Variants in CADM1 observed in about 807,000 individuals in gnomAD.
CADM1 encodes the protein cell adhesion molecule 1.
A neutral mutation model predicts 53.1 loss-of-function variants in CADM1; 15 were observed. The observed-to-expected ratio is 0.28, with a 90% CI of 0.19 to 0.44. The LOEUF (loss-of-function observed/expected upper bound fraction) is 0.44, where lower values mean the gene tolerates loss of function less well. Ranked by LOEUF, CADM1 falls within the 20% of genes least tolerant of loss-of-function variation. The pLI, the probability that CADM1 is intolerant of heterozygous loss-of-function variation, is 1.00. For synonymous variants in CADM1, 281 were observed against 243.0 expected, an observed-to-expected ratio of 1.16 and a Z score of -1.45; for missense variants, 434 against 611.3, an observed-to-expected ratio of 0.71 and a Z score of 3.06.
At chr11:115,368,240 T>C (rs996266313) in intron 1 of CADM1, among the ~76,000 whole-genome samples, 3 of 148,374 alleles carry the variant, frequency 2.0e-5, no homozygotes, top group African/African-American at 4.9e-5. Flanking sequence ...ATTTGCTAAA[T>C]AGCAGGACAG....
At chr11:115,448,426 C>T (rs187462680) in intron 1 of CADM1, among the ~76,000 whole-genome samples, 1 of 152,280 alleles carries the variant, frequency 6.6e-6, no homozygotes, top group South Asian at 2.1e-4. Flanking sequence ...CTTTCTGCAA[C>T]TTGCTTGTCT....
intron 1 of CADM1, among the ~76,000 whole-genome samples, chr11:115,418,269 G>A (rs2135263458): frequency 6.6e-6 from 1 of 152,240 alleles, no homozygotes; most frequent in African/African-American, 2.4e-5. Flanking sequence ...TAGCCCGAGG[G>A]TATAAGGGGA....
chr11:115,302,892 T>A (rs1043724162), intron 1 of CADM1, among the ~76,000 whole-genome samples: 2 of 152,106 alleles, frequency 1.3e-5, no homozygotes, highest in Non-Finnish European at 2.9e-5. Flanking sequence ...TTGCCATCTC[T>A]GTGCTGCTTC....
At chr11:115,328,972 T>C (rs562205382) in intron 1 of CADM1, among the ~76,000 whole-genome samples, 1 of 151,396 alleles carries the variant, frequency 6.6e-6, no homozygotes, top group Admixed American at 6.6e-5. Context: ...TTTACTTCTA[T>C]TAGTTATTTT....
At chr11:115,502,720 G>C (rs893566228) in intron 1 of CADM1, among the ~76,000 whole-genome samples, 2 of 152,082 alleles carry the variant, frequency 1.3e-5, no homozygotes, top group Non-Finnish European at 2.9e-5. Context: ...GCCTATTTTG[G>C]GGGCAAGCAG....
At chr11:115,236,285 G>C (rs926112786) in intron 3 of CADM1, among the ~76,000 whole-genome samples, 1 of 152,092 alleles carries the variant, frequency 6.6e-6, no homozygotes, top group African/African-American at 2.4e-5. Context: ...TACGAGAAAC[G>C]TTGGAATATA....
chr11:115,483,934 G>C (rs972910846), intron 1 of CADM1, among the ~76,000 whole-genome samples: 1 of 152,142 alleles, frequency 6.6e-6, no homozygotes, highest in Non-Finnish European at 1.5e-5. Flanking sequence ...AGCACTGGAG[G>C]CATAGCCAGA....
At chr11:115,331,365 C>T (rs1945123547) in intron 1 of CADM1, among the ~76,000 whole-genome samples, 2 of 152,092 alleles carry the variant, frequency 1.3e-5, no homozygotes, top group South Asian at 4.1e-4. Context: ...AACAAAAGAG[C>T]CTCCCACACA....
intron 1 of CADM1, among the ~76,000 whole-genome samples, chr11:115,338,437 A>C (rs182060074): frequency 1.6e-4 from 24 of 152,292 alleles, no homozygotes; most frequent in Admixed American, 5.2e-4. Flanking sequence ...ATTTTAGAGA[A>C]ACTACCATTT....
intron 4 of CADM1, among the ~76,000 whole-genome samples, 174 bp downstream of exon 4, chr11:115,231,179 A>G (rs981923775): frequency 6.6e-6 from 1 of 152,274 alleles, no homozygotes; most frequent in Non-Finnish European, 1.5e-5. Context: ...ATGGATTAGA[A>G]GAATAAAATG....
chr11:115,396,487 C>A (rs1411087543), intron 1 of CADM1, among the ~76,000 whole-genome samples: 1 of 152,184 alleles, frequency 6.6e-6, no homozygotes, highest in African/African-American at 2.4e-5. Flanking sequence ...CGTTGGCCAA[C>A]CTTCAACAAG....
chr11:115,493,013 G>A (rs1190598000), intron 1 of CADM1, among the ~76,000 whole-genome samples: 2 of 151,768 alleles, frequency 1.3e-5, no homozygotes, highest in African/African-American at 4.8e-5. Context: ...CAGTAGCAAT[G>A]AGCACAATTC....
chr11:115,284,978 A>T (rs1463695113), intron 1 of CADM1, among the ~76,000 whole-genome samples: 1 of 152,158 alleles, frequency 6.6e-6, no homozygotes, highest in Non-Finnish European at 1.5e-5. Flanking sequence ...CAGTGAGTCA[A>T]TCCAACGAAG....
intron 2 of CADM1, 94 bp downstream of exon 2, chr11:115,240,180 T>C (rs1221134388): frequency 8.5e-7 from 1 of 1,171,120 alleles, no homozygotes; most frequent in Admixed American, 1.9e-5. Context: ...GCATCTAACA[T>C]TAAATTTAAA....
chr11:115,299,783 G>C (rs547066083), intron 1 of CADM1, among the ~76,000 whole-genome samples: 1 of 152,192 alleles, frequency 6.6e-6, no homozygotes, highest in African/African-American at 2.4e-5. Context: ...AGGTGATACA[G>C]AGCACTGACA....
intron 1 of CADM1, among the ~76,000 whole-genome samples, chr11:115,378,988 A>C (rs1472528245): frequency 2.0e-5 from 3 of 152,224 alleles, no homozygotes; most frequent in Non-Finnish European, 4.4e-5. Flanking sequence ...ATATTTAGTA[A>C]TTTAAAGAGG....
At chr11:115,250,170 T>G (rs1023182069) in intron 1 of CADM1, among the ~76,000 whole-genome samples, 89 of 152,236 alleles carry the variant, frequency 5.8e-4, no homozygotes, top group Non-Finnish European at 1.5e-5. Flanking sequence ...CGCAAAGTGC[T>G]GGGATTACAA....
At chr11:115,417,270 T>C (rs1321418862) in intron 1 of CADM1, among the ~76,000 whole-genome samples, 1 of 152,182 alleles carries the variant, frequency 6.6e-6, no homozygotes, top group East Asian at 1.9e-4. Flanking sequence ...GAATCATGCA[T>C]TACATGACTA....
At chr11:115,263,431 C>T (rs1166437217) in intron 1 of CADM1, among the ~76,000 whole-genome samples, 1 of 152,226 alleles carries the variant, frequency 6.6e-6, no homozygotes, top group Non-Finnish European at 1.5e-5. Flanking sequence ...TCTCCTTAAA[C>T]TTTCACTTGT....
Sources: allele counts gnomAD v4.1 joint callset (sites outside exome capture counted in the v4.1 genomes callset), GRCh38; gene constraint gnomAD v4.1.1; transcripts MANE v1.5; gene names NCBI Gene and HGNC (gene_info 2026-07-23, HGNC 2026-07-21).